Variants in PGLS observed in about 807,000 individuals in gnomAD.
PGLS encodes the protein epididymis secretory protein Li 304.
PGLS carries 21 observed loss-of-function variants against 23.2 expected under a neutral mutation model. The ratio of observed to expected loss-of-function variants is 0.91; its 90% CI spans 0.64 to 1.31. The LOEUF is 1.31. Ranked by LOEUF, PGLS falls within the 50% of genes most tolerant of loss-of-function variation. PGLS has a pLI of 0.00. For missense variants in PGLS, 410 were observed against 354.0 expected (o/e 1.16, Z -1.27); for synonymous variants, 179 against 165.4 (o/e 1.08, Z -0.63).
chr19:17,516,429 G>T (rs1487524386), intron 2 of PGLS, 149 bp downstream of exon 2: 5 of 1,425,286 alleles, frequency 3.5e-6, no homozygotes, highest in Non-Finnish European at 4.6e-6. Context: ...CGAGGCCACA[G>T]CCCTGCCCTG....
chr19:17,516,761 ATT>A (rs368385360), intron 2 of PGLS, among the ~76,000 whole-genome samples: 635 of 142,172 alleles, frequency 4.5e-3, no homozygotes, highest in African/African-American at 7.4e-3. Flanking sequence ...ATTTTTTTGT[ATT>A]TTTTTAGTAG....
intron 1 of PGLS, 126 bp from the exon 2 acceptor site, chr19:17,516,047 A>C (rs1599689426): frequency 1.4e-6 from 1 of 692,568 alleles, no homozygotes; most frequent in Non-Finnish European, 2.5e-6. Context: ...GCACAAATGC[A>C]CCAGCCTCCC....
chr19:17,516,332 C>T (rs751569602), intron 2 of PGLS, 52 bp downstream of exon 2: 1 of 1,576,232 alleles, frequency 6.3e-7, no homozygotes, highest in Admixed American at 1.8e-5. Context: ...AGCGGCCACA[C>T]CCCGGGCAAC....
rs1599686390 is a variant in PGLS at position 17,511,701 on chromosome 19, C to T, written c.29C>T (p.Ser10Leu). 6.6e-7 allele frequency: 1 copy of T among 1,508,798 alleles called. No homozygotes were observed. The highest frequency in any genetic ancestry group is 1.5e-5 in the African/African-American group (1 of 68,846). The allele number at this position is 1,508,798 out of a possible 1,614,324, so 93.5% of individuals were successfully genotyped here. A position where few individuals can be genotyped will look rare whatever the true frequency, so the allele number is the denominator to read the frequency against. The change falls in exon 1 of 5, where the codon TCG (serine) becomes TTG (leucine). Residue 10 changes from serine to leucine, a missense_variant. Coordinates refer to ENST00000252603, the MANE Select transcript of PGLS (RefSeq NM_012088.3). Reference protein sequence around the residue: MAAPAPGLISVFSSSQELGA... With the variant: MAAPAPGLILVFSSSQELGA... The stretch of plus-strand genomic sequence containing the variant: ...GCCGCGCCGGCCCCGGGCCTCATCT[C>T]GGTGTTCTCGAGTTCCCAGGAGCTG...
intron 4 of PGLS, among the ~76,000 whole-genome samples, chr19:17,519,862 G>T (rs753888): frequency 2.0e-4 from 30 of 152,240 alleles, no homozygotes; most frequent in African/African-American, 6.7e-4. Flanking sequence ...GGTGCCAACC[G>T]CAGTATTAAA....
In PGLS at chr19:17,517,762, A is replaced by G. The variant is rs773593679; in HGVS notation, c.551A>G (p.Gln184Arg). Residue 184 changes from glutamine to arginine, a missense_variant, in exon 4 of 5, where the codon CAG (glutamine) becomes CGG (arginine). Coordinates refer to ENST00000252603, the MANE Select transcript of PGLS (RefSeq NM_012088.3). Reference sequence around the variant, plus strand: ...AGTGACTCCCCGAAGCCACCGCCACAGCGTGTGACCCTCACACTACCTGTC... The same window carrying G: ...AGTGACTCCCCGAAGCCACCGCCACGGCGTGTGACCCTCACACTACCTGTC... The part of the protein sequence containing the change: ...PISDSPKPPP[Q>R]RVTLTLPVLN... 2.5e-6 allele frequency: 4 copies of G among 1,614,160 alleles called. No homozygotes were observed. Among genetic ancestry groups the G allele is most frequent in the African/African-American group, 1.3e-5 (1 of 75,044 alleles).
chr19:17,514,334 C>T lies in PGLS; in HGVS notation c.289-1839C>T, dbSNP rs1436254953. The stretch of plus-strand genomic sequence containing the variant: ...TGTGTCTTCTCATCTTATATAAGGA[C>T]GCCAGTCATTGGATTTAGGGCCCAC... On this transcript the variant is annotated intron_variant, in intron 1 of 4. Transcript: ENST00000252603. 5.3e-5 allele frequency among the ~76,000 whole-genome samples: 8 copies of T among 152,176 alleles called. No individual in the cohort carries two copies. The South Asian group carries it at 6.2e-4, about 12-fold the overall frequency.
At chr19:17,516,105 C>A in intron 1 of PGLS, 68 bp from the exon 2 acceptor site, 1 of 1,204,008 alleles carries the variant, frequency 8.3e-7, no homozygotes, top group Non-Finnish European at 1.2e-6. Context: ...ACGGTACTGT[C>A]ATAAACTCCC....
Position 17,517,784 on chromosome 19 carries a change from T to C in PGLS, c.573T>C (p.Pro191=), listed in dbSNP as rs775788168. 8.1e-6 allele frequency: 13 copies of C among 1,614,002 alleles called. No homozygotes were observed. The highest frequency in any genetic ancestry group is 1.0e-5 in the Non-Finnish European group (12 of 1,180,010). The change falls in exon 4 of 5, where the codon CCT becomes CCC. Residue 191 remains proline (P), a synonymous_variant. Transcript: ENST00000252603. ...PPPQRVTLTL[P]VLNAARTVIF... The stretch of plus-strand genomic sequence containing the variant: ...CACAGCGTGTGACCCTCACACTACC[T>C]GTCCTGAATGCAGCACGAACTGTCA...
At position 17,511,891 on chromosome 19, in the gene PGLS, G is replaced by C. The variant is rs2144639614; in HGVS notation, c.219G>C (p.Trp73Cys). The C allele has an allele frequency of 6.5e-7, 1 of 1,542,404 alleles. No individual in the cohort carries two copies. The highest frequency in any genetic ancestry group is 8.7e-7 in the Non-Finnish European group (1 of 1,145,302). Residue 73 changes from tryptophan (W) to cysteine (C), a missense_variant, in exon 1 of 5, where the codon TGG becomes TGC. Physicochemically the swap from Trp to Cys is radical, Grantham distance 215. Transcript: ENST00000252603. Reference sequence around the variant, plus strand: ...CCGGGCCAGCTAGCTTAGCGCGCTGGACGCTGGGCTTCTGCGACGAGCGCC... The same window carrying C: ...CCGGGCCAGCTAGCTTAGCGCGCTGCACGCTGGGCTTCTGCGACGAGCGCC... ...APAGPASLAR[W>C]TLGFCDERLV...
chr19:17,517,436 C>A, intron 3 of PGLS, 47 bp downstream of exon 3: 1 of 1,446,708 alleles, frequency 6.9e-7, no homozygotes, highest in Non-Finnish European at 9.7e-7. Context: ...AGCCCAGTCC[C>A]TAACATCTGG....
intron 1 of PGLS, among the ~76,000 whole-genome samples, chr19:17,514,419 T>TTCCC (rs1599688442): frequency 6.6e-6 from 1 of 152,038 alleles, no homozygotes; most frequent in Admixed American, 6.6e-5. Context: ...ATTTCCTTCC[T>TTCCC]TCCTTCCCTC....
intron 2 of PGLS, 77 bp from the exon 3 acceptor site, chr19:17,517,211 A>T (rs1029513852): frequency 1.1e-6 from 1 of 870,538 alleles, no homozygotes; most frequent in African/African-American, 1.7e-5. Flanking sequence ...TTATCTGACA[A>T]CTGTTTCTGT....
chr19:17,513,419 C>T (rs561571983), intron 1 of PGLS, among the ~76,000 whole-genome samples: 83 of 150,274 alleles, frequency 5.5e-4, no homozygotes, highest in African/African-American at 1.9e-3. Flanking sequence ...CCCAGCTACT[C>T]GGGAGGCTGA....
At chr19:17,519,110 T>C (rs978058970) in intron 4 of PGLS, among the ~76,000 whole-genome samples, 2 of 151,308 alleles carry the variant, frequency 1.3e-5, no homozygotes, top group Non-Finnish European at 2.9e-5. Flanking sequence ...GGTCAGGAGT[T>C]CAAGACCAGC....
intron 1 of PGLS, among the ~76,000 whole-genome samples, chr19:17,514,270 A>C (rs940430691): frequency 2.0e-5 from 3 of 151,860 alleles, no homozygotes; most frequent in African/African-American, 7.3e-5. Flanking sequence ...CACCATTCCA[A>C]TTCCTGTCTC....
intron 2 of PGLS, 68 bp downstream of exon 2, chr19:17,516,348 G>A (rs561469677): frequency 9.1e-5 from 141 of 1,550,746 alleles, no homozygotes; most frequent in Non-Finnish European, 1.0e-4. Flanking sequence ...GCAACAGAGC[G>A]GCCTTCTGAT....
Position 17,511,868 on chromosome 19 carries a change from G to C in PGLS, c.196G>C (p.Gly66Arg), listed in dbSNP as rs1032870851. ...GCTACCCGCCGCCGTCGCCCCTGCC[G>C]GGCCAGCTAGCTTAGCGCGCTGGAC... ...RELPAAVAPAGPASLARWTLG... is the reference protein window; with the variant it reads ...RELPAAVAPARPASLARWTLG... Residue 66 changes from glycine to arginine, a missense_variant, in exon 1 of 5, where the codon GGG becomes CGG. Coordinates refer to ENST00000252603, the MANE Select transcript of PGLS (RefSeq NM_012088.3). The C allele has an allele frequency of 1.3e-6, 2 of 1,535,664 alleles. No individual in the cohort carries two copies. Among genetic ancestry groups the C allele is most frequent in the Middle Eastern group, 2.0e-4 (1 of 4,960 alleles).
chr19:17,517,340 GC>G lies in PGLS; in HGVS notation c.453del (p.Asp152MetfsTer35). 1 of 1,613,960 alleles carries G rather than the reference GC, an allele frequency of 6.2e-7. No individual in the cohort carries two copies. Among genetic ancestry groups the G allele is most frequent in the Non-Finnish European group, 8.5e-7 (1 of 1,179,936 alleles). Reference protein sequence around the residue: ...PVFDLLILGVGPDGHTCSLFP... With the variant: ...PVFDLLILGVXPDGHTCSLFP... ...TTCGACCTGCTGATCCTGGGGGTGG[GC>G]CCCGATGGTCACACCTGCTCACTCT... On this transcript the variant is annotated frameshift_variant, in exon 3 of 5. Coordinates refer to ENST00000252603, the MANE Select transcript of PGLS (RefSeq NM_012088.3). LOFTEE classifies it high-confidence loss of function.
Sources: allele counts gnomAD v4.1 joint callset (sites outside exome capture counted in the v4.1 genomes callset), GRCh38; gene constraint gnomAD v4.1.1; transcripts MANE v1.5; gene names NCBI Gene and HGNC (gene_info 2026-07-23, HGNC 2026-07-21).